Variants in PTPRA observed in about 807,000 individuals in gnomAD.
The protein encoded by PTPRA is protein tyrosine phosphatase receptor type A.
In PTPRA, 25 loss-of-function variants were observed where a neutral mutation model predicts 104.8. That is an observed-to-expected ratio of 0.24 (90% confidence interval 0.17 to 0.33). The LOEUF is 0.33. PTPRA is among the 10% of genes least tolerant of loss of function. The probability of loss-of-function intolerance (pLI) is 1.00; values close to 1 mark genes in which losing one functional copy is unlikely to be tolerated. For synonymous variants in PTPRA, 323 were observed against 368.9 expected (o/e 0.88, Z 1.43); for missense variants, 765 against 1,015.3 (o/e 0.75, Z 3.35).
At chr20:2,904,469 G>A (rs1032819414) in intron 1 of PTPRA, among the ~76,000 whole-genome samples, 1 of 151,930 alleles carries the variant, frequency 6.6e-6, no homozygotes, top group Non-Finnish European at 1.5e-5. Context: ...AGGAGATCGA[G>A]ACCATCCTGG....
At chr20:2,865,554 G>A in the PTPRA span, 3 of 1,506,544 alleles carry the variant, frequency 2.0e-6, no homozygotes, top group Non-Finnish European at 2.7e-6. The surrounding 1 kb of genome is among the most constrained non-coding windows in gnomAD (Gnocchi z 5.2). Flanking sequence ...GGGAGAGAGG[G>A]CTAGGCAGGG....
chr20:2,864,958 C>T, the PTPRA span: 18 of 1,614,106 alleles, frequency 1.1e-5, no homozygotes, highest in East Asian at 3.6e-4. This position sits in a 1 kb window ranked among gnomAD's most constrained non-coding sequence, Gnocchi z 5.2. Flanking sequence ...GAGTTCAGGC[C>T]TTCCTTCTTG....
At chr20:3,015,303 C>CTT (rs778457233) in intron 11 of PTPRA, among the ~76,000 whole-genome samples, 56 of 134,612 alleles carry the variant, frequency 4.2e-4, no homozygotes, top group African/African-American at 6.4e-4. Flanking sequence ...CTTTCTTTTT[C>CTT]TTTTTTTTTT....
intron 1 of PTPRA, among the ~76,000 whole-genome samples, chr20:2,895,001 A>AG (rs1289233775): frequency 1.3e-5 from 2 of 151,898 alleles, no homozygotes; most frequent in Non-Finnish European, 2.9e-5. Flanking sequence ...AAAAAAAAAA[A>AG]AAAAGTAGTT....
intron 5 of PTPRA, among the ~76,000 whole-genome samples, chr20:2,965,516 A>G (rs1214865383): frequency 2.6e-5 from 4 of 152,212 alleles, no homozygotes; most frequent in Admixed American, 2.6e-4. Flanking sequence ...ACTGAAGATG[A>G]AAAGATACAG....
chr20:2,943,123 G>A (rs1321620565), intron 2 of PTPRA, among the ~76,000 whole-genome samples: 4 of 150,950 alleles, frequency 2.6e-5, no homozygotes, highest in Non-Finnish European at 5.9e-5. Context: ...CACATAGCCT[G>A]CATGTATAGG....
At chr20:2,987,964 A>G in intron 7 of PTPRA, 68 bp from the exon 8 acceptor site, 1 of 1,351,416 alleles carries the variant, frequency 7.4e-7, no homozygotes, top group Non-Finnish European at 1.1e-6. Context: ...ATGAGCAGGA[A>G]TACAGAGGTG....
intron 5 of PTPRA, among the ~76,000 whole-genome samples, chr20:2,970,806 G>A (rs148664537): frequency 4.5e-5 from 5 of 111,456 alleles, no homozygotes; most frequent in Admixed American, 3.0e-4. Flanking sequence ...CTATGGTTTC[G>A]TGTGTGTGTG....
At chr20:3,018,853 G>A (rs1295994949) in intron 13 of PTPRA, among the ~76,000 whole-genome samples, 2 of 104,854 alleles carry the variant, frequency 1.9e-5, no homozygotes, top group African/African-American at 4.9e-5. Context: ...CGGGCGGGGG[G>A]CTGATCCCCC....
the PTPRA span, chr20:2,866,556 A>C: frequency 6.2e-7 from 1 of 1,614,172 alleles, no homozygotes; most frequent in African/African-American, 1.3e-5. Flanking sequence ...GGGCCAGGGC[A>C]CAAGCCCAGA....
At chr20:2,895,428 T>A (rs2058961380) in intron 1 of PTPRA, among the ~76,000 whole-genome samples, 1 of 152,148 alleles carries the variant, frequency 6.6e-6, no homozygotes, top group Non-Finnish European at 1.5e-5. Flanking sequence ...ACGTAATTGC[T>A]GAAGGCTCCT....
At chr20:3,027,874 A>G in intron 20 of PTPRA, 33 bp downstream of exon 20, 1 of 1,609,892 alleles carries the variant, frequency 6.2e-7, no homozygotes, top group Non-Finnish European at 8.5e-7. Flanking sequence ...GGTGAGAGAC[A>G]GAGACAGCAT....
intron 1 of PTPRA, among the ~76,000 whole-genome samples, chr20:2,902,035 A>G (rs761598338): frequency 2.0e-5 from 3 of 151,872 alleles, no homozygotes; most frequent in Non-Finnish European, 4.4e-5. Context: ...ACAGGTGAGC[A>G]TTACCACACT....
At position 2,883,157 on chromosome 20, in the gene PTPRA, C is replaced by A. The variant is rs949080218; in HGVS notation, c.-129+9397C>A. On this transcript the variant is annotated intron_variant, in intron 1 of 23. Coordinates refer to ENST00000399903, the MANE Select transcript of PTPRA (RefSeq NM_001385305.1). The stretch of plus-strand genomic sequence containing the variant: ...GCACCACCATGCCCAGCTAATTTTG[C>A]AACCAGTAGGAATAATGCAAATAGT... Among the ~76,000 whole-genome samples the A allele has an allele frequency of 2.0e-5, 3 of 151,836 alleles. No homozygotes were observed. In the East Asian group the frequency reaches 5.8e-4, roughly 29 times the overall value.
At chr20:2,967,716 C>T (rs1331136643) in intron 5 of PTPRA, among the ~76,000 whole-genome samples, 5 of 152,064 alleles carry the variant, frequency 3.3e-5, no homozygotes, top group Admixed American at 3.3e-4. Context: ...CAAAAATTAG[C>T]TGGGCATGGG....
Position 3,022,125 on chromosome 20 carries a change from T to C in PTPRA, c.1233T>C (p.Phe411=), listed in dbSNP as rs141676905. Residue 411 remains phenylalanine, a synonymous_variant, in exon 15 of 24, where the codon TTT becomes TTC. Coordinates refer to ENST00000399903, the MANE Select transcript of PTPRA (RefSeq NM_001385305.1). The surrounding 1 kb of genome is among the most constrained non-coding windows in gnomAD (Gnocchi z 4.6). ...TCCACTTTACCAGCTGGCCAGACTT[T>C]GGGGTGCCTTTTACCCCGATCGGCA... ...TQFHFTSWPD[F]GVPFTPIGML... The C allele has an allele frequency of 1.5e-5, 24 of 1,614,086 alleles. No homozygotes were observed. The African/African-American group carries it at 3.1e-4, about 21-fold the overall frequency.
intron 3 of PTPRA, chr20:2,955,656 G>T: frequency 1.0e-6 from 1 of 985,322 alleles, no homozygotes; most frequent in Non-Finnish European, 1.2e-6. Flanking sequence ...TCTCTCACTG[G>T]CAACTCTTCA....
At chr20:2,997,183 G>T (rs1481569505) in intron 9 of PTPRA, among the ~76,000 whole-genome samples, 1 of 151,870 alleles carries the variant, frequency 6.6e-6, no homozygotes, top group Non-Finnish European at 1.5e-5. Context: ...GTATATCTGT[G>T]TGTGTTTGGG....
chr20:2,866,377 G>T, the PTPRA span: 5 of 1,614,070 alleles, frequency 3.1e-6, no homozygotes, highest in Admixed American at 1.7e-5. Context: ...GAGAGGCAGG[G>T]TTTGTGCCCT....
Sources: gnomAD v4.1 joint callset for allele counts (sites outside exome capture counted in the v4.1 genomes callset) on GRCh38, gnomAD v4.1.1 for gene constraint, Gnocchi (gnomAD v3.1) non-coding constraint, MANE v1.5 for transcripts, NCBI Gene and HGNC (gene_info 2026-07-23, HGNC 2026-07-21) for gene names.